The following POM121 variants were observed in gnomAD, a reference collection of about 807,000 sequenced individuals.
POM121 encodes the protein POM121 transmembrane nucleoporin.
A neutral mutation model predicts 81.3 loss-of-function variants in POM121; 32 were observed. That is an observed-to-expected ratio of 0.39 (90% CI 0.30 to 0.53). The LOEUF (loss-of-function observed/expected upper bound fraction) is 0.53. Ranked by LOEUF, POM121 falls within the 20% of genes least tolerant of loss-of-function variation. The probability of loss-of-function intolerance (pLI) is 0.66; values close to 1 mark genes in which losing one functional copy is unlikely to be tolerated. For missense variants in POM121, 1,138 were observed against 1,614.6 expected (o/e 0.70, Z 5.06); for synonymous variants, 514 against 694.2 (o/e 0.74, Z 4.08).
intron 5 of POM121, among the ~76,000 whole-genome samples, chr7:72,931,482 AT>A (rs530298783): frequency 6.6e-6 from 1 of 151,992 alleles, no homozygotes; most frequent in South Asian, 2.1e-4. Flanking sequence ...TGATAGTAGG[AT>A]TTTTTATGTA....
At chr7:72,924,845 G>GT, upstream of POM121, 1 of 431,504 alleles carries the variant, frequency 2.3e-6, no homozygotes. Context: ...TAGGAATTAC[G>GT]TAAGCATAGG....
chr7:72,882,579 G>A (rs1790268075), intron 1 of POM121, among the ~76,000 whole-genome samples: 1 of 152,144 alleles, frequency 6.6e-6, no homozygotes, highest in African/African-American at 2.4e-5. Flanking sequence ...GCTGCCCAAG[G>A]AGAACTTGGT....
chr7:72,934,544 C>T (rs2129578921), intron 5 of POM121, among the ~76,000 whole-genome samples: 1 of 152,186 alleles, frequency 6.6e-6, no homozygotes, highest in South Asian at 2.1e-4. Context: ...GAAATCTTTG[C>T]CTACCTAACC....
At chr7:72,885,986 AT>A (rs1414137245) in intron 1 of POM121, among the ~76,000 whole-genome samples, 1 of 152,058 alleles carries the variant, frequency 6.6e-6, no homozygotes, top group Non-Finnish European at 1.5e-5. Context: ...TGCAACTTTA[AT>A]TGTCATAGTT....
chr7:72,922,489 C>T (rs1322237938), upstream of POM121, among the ~76,000 whole-genome samples: 5 of 151,768 alleles, frequency 3.3e-5, no homozygotes, highest in Admixed American at 2.0e-4. Flanking sequence ...TGGGTTCAAG[C>T]GATTCTCCAG....
At chr7:72,949,987 G>T, downstream of POM121, 1 of 1,589,052 alleles carries the variant, frequency 6.3e-7, no homozygotes, top group African/African-American at 1.4e-5. Context: ...CAGGGGCCGG[G>T]TAAACAGAGA....
intron 5 of POM121, among the ~76,000 whole-genome samples, chr7:72,931,269 C>T (rs1476879994): frequency 1.3e-5 from 2 of 152,078 alleles, no homozygotes; most frequent in African/African-American, 2.4e-5. Context: ...CAGCAGTCTT[C>T]GACAGATAGC....
Position 72,943,335 on chromosome 7 carries a change from T to C in POM121, c.3342T>C (p.Asn1114=), listed in dbSNP as rs61749860. 652,104 of 1,267,788 alleles carry C rather than the reference T, an allele frequency of 0.51. 213,557 individuals carry two copies. Among genetic ancestry groups the C allele is most frequent in the South Asian group, 0.59 (47,788 of 80,798 alleles). 78.5% of individuals were successfully genotyped at this position (1,267,788 alleles called of 1,614,324 possible). Residue 1114 remains asparagine, a synonymous_variant, in exon 11 of 13, where the codon AAT becomes AAC. Coordinates refer to ENST00000434423, the MANE Select transcript of POM121 (RefSeq NM_001387691.1). The part of the protein sequence containing the change: ...APAGSGSFGI[N]VATPGSSTTT... ...CTGGCAGTGGGAGCTTTGGGATCAA[T>C]GTGGCCACCCCAGGCTCCAGCACCA...
chr7:72,892,632 C>T (rs1303020338), intron 3 of POM121, among the ~76,000 whole-genome samples: 2 of 152,014 alleles, frequency 1.3e-5, no homozygotes, highest in African/African-American at 4.8e-5. Flanking sequence ...TTCTTCCTCT[C>T]TTCCCTCCCT....
chr7:72,948,159 A>G lies in POM121; in HGVS notation c.*1925A>G. The G allele has an allele frequency of 7.0e-7, 1 of 1,432,358 alleles. No individual in the cohort carries two copies. The highest frequency in any genetic ancestry group is 9.1e-7 in the Non-Finnish European group (1 of 1,099,328). The allele number at this position is 1,432,358 out of a possible 1,614,324, so 88.7% of individuals were successfully genotyped here. On this transcript the variant is annotated 3_prime_UTR_variant, in exon 13 of 13. Coordinates refer to ENST00000434423, the MANE Select transcript of POM121 (RefSeq NM_001387691.1). ...GAGTGTGGATGTGTACAGTACACGC[A>G]CTGGACGGCAGCGGGAGGCTGGGAC...
At chr7:72,907,812 C>G (rs1285264094) in intron 3 of POM121, among the ~76,000 whole-genome samples, 1 of 152,090 alleles carries the variant, frequency 6.6e-6, no homozygotes, top group Non-Finnish European at 1.5e-5. Flanking sequence ...CGCCCAGCCT[C>G]TTCAGATGTT....
chr7:72,911,285 C>CT (rs1160268601), intron 3 of POM121, among the ~76,000 whole-genome samples: 1 of 152,210 alleles, frequency 6.6e-6, no homozygotes, highest in African/African-American at 2.4e-5. Context: ...TGCCCAGCTG[C>CT]TTCATGTATT....
At position 72,948,269 on chromosome 7, in the gene POM121, C is replaced by T; in HGVS notation, c.*2035C>T. 2 of 1,487,046 alleles carry T rather than the reference C, an allele frequency of 1.3e-6. No homozygotes were observed. Among genetic ancestry groups the T allele is most frequent in the East Asian group, 2.4e-5 (1 of 41,906 alleles). 92.1% of individuals were successfully genotyped at this position (1,487,046 alleles called of 1,614,324 possible). ...TGTGAGATTTTTCTCCTGCTTGTGA[C>T]ATTAAGAATAAAAAACTGTGATCTA... On this transcript the variant is annotated 3_prime_UTR_variant, in exon 13 of 13. Transcript: ENST00000434423.
Position 72,908,730 on chromosome 7 carries a change from A to G in POM121, c.-215-5035A>G, listed in dbSNP as rs782194278. Among the ~76,000 whole-genome samples the G allele has an allele frequency of 1.1e-4, 16 of 152,340 alleles. 1 individual carries two copies. The highest frequency in any genetic ancestry group is 5.2e-4 in the Admixed American group (8 of 15,286). On this transcript the variant is annotated intron_variant, in intron 3 of 15. Coordinates refer to the POM121 transcript ENST00000395270. The stretch of plus-strand genomic sequence containing the variant: ...TCTCAGGGCTGTTCCTTGCTGAGAA[A>G]AAGAATTCAGCGTTATTTCTCCTAT...
chr7:72,932,722 T>C (rs562397847), intron 5 of POM121, among the ~76,000 whole-genome samples: 2 of 152,298 alleles, frequency 1.3e-5, no homozygotes, highest in Non-Finnish European at 1.5e-5. Context: ...GATTTGGTTA[T>C]TGTAGCTCTG....
chr7:72,949,365 C>A, downstream of POM121: 1 of 836,054 alleles, frequency 1.2e-6, no homozygotes, highest in Non-Finnish European at 2.1e-6. Flanking sequence ...CACGATAGCG[C>A]GGATCTAAGG....
chr7:72,945,825 T>C, intron 12 of POM121, 117 bp downstream of exon 12: 1 of 1,467,304 alleles, frequency 6.8e-7, no homozygotes, highest in Admixed American at 2.5e-5. Flanking sequence ...AGGAAAGACA[T>C]TTCGGGTTAG....
At position 72,925,197 on chromosome 7, in the gene POM121, C is replaced by T. The variant is rs1326116160; in HGVS notation, c.76C>T (p.Arg26Trp). ...PIASVRDGRG[R>W]GCGGPARAVL... is the part of the protein sequence containing the mutation. ...AGCGAGTGTCAGGGACGGCCGGGGC[C>T]GGGGCTGCGGCGGGCCGGCCAGGGC... is the stretch of plus-strand genomic sequence containing the variant. The change falls in exon 1 of 13, where the codon CGG becomes TGG. Residue 26 changes from arginine (R) to tryptophan (W), a missense_variant. By Grantham distance (101) the Arg-to-Trp change is moderately radical (BLOSUM62 -3). Coordinates refer to ENST00000434423, the MANE Select transcript of POM121 (RefSeq NM_001387691.1). 15 of 1,518,812 alleles carry T rather than the reference C, an allele frequency of 9.9e-6. No homozygotes were observed. The highest frequency in any genetic ancestry group is 6.1e-5 in the South Asian group (5 of 82,570). The allele number at this position is 1,518,812 out of a possible 1,614,324, so 94.1% of individuals were successfully genotyped here. A position where few individuals can be genotyped will look rare whatever the true frequency, so the allele number is the denominator to read the frequency against.
rs1185921387 is a variant in POM121, at chr7:72,941,739, C to G, written c.1844-98C>G. ...GAGTTTATTGACTGACTCTTGGATCCCAGGCTCTGTGGTAGGCGTGGGGAG... is the reference window on the plus strand; with the variant it reads ...GAGTTTATTGACTGACTCTTGGATCGCAGGCTCTGTGGTAGGCGTGGGGAG... On this transcript the variant is annotated intron_variant, in intron 10 of 12. Coordinates refer to ENST00000434423, the MANE Select transcript of POM121 (RefSeq NM_001387691.1). 4.2e-6 allele frequency: 6 copies of G among 1,437,380 alleles called. No individual in the cohort carries two copies. In the African/African-American group the frequency reaches 8.6e-5, roughly 21 times the overall value. The allele number at this position is 1,437,380 out of a possible 1,614,324, so 89.0% of individuals were successfully genotyped here.
Sources: gnomAD v4.1 joint callset for allele counts (sites outside exome capture counted in the v4.1 genomes callset) on GRCh38, gnomAD v4.1.1 for gene constraint, MANE v1.5 for transcripts, NCBI Gene and HGNC (gene_info 2026-07-23, HGNC 2026-07-21) for gene names.